RAPGEF5: variants seen among roughly 807,000 people sequenced by gnomAD.
RAPGEF5 encodes the protein Rap guanine nucleotide exchange factor 5.
RAPGEF5 carries 65 observed loss-of-function variants against 125.2 expected under a neutral mutation model. The ratio of observed to expected loss-of-function variants is 0.52; its 90% CI spans 0.43 to 0.64. The LOEUF (loss-of-function observed/expected upper bound fraction) is 0.64, where lower values mean the gene tolerates loss of function less well. Among genes scored for constraint, RAPGEF5 ranks in the 30% least tolerant of loss-of-function variants. The pLI, the probability that RAPGEF5 is intolerant of heterozygous loss-of-function variation, is 0.00. For synonymous variants in RAPGEF5, 391 were observed against 385.9 expected (o/e 1.01, Z -0.16); for missense variants, 958 against 1,048.1 (o/e 0.91, Z 1.19).
intron 5 of RAPGEF5, among the ~76,000 whole-genome samples, chr7:22,306,943 G>A (rs1182954991): frequency 6.6e-6 from 1 of 152,078 alleles, no homozygotes; most frequent in Non-Finnish European, 1.5e-5. Context: ...CATGCTGTTT[G>A]GGTTACTATA....
At chr7:22,134,105 T>C (rs1783005916) in intron 23 of RAPGEF5, among the ~76,000 whole-genome samples, 1 of 152,232 alleles carries the variant, frequency 6.6e-6, no homozygotes, top group South Asian at 2.1e-4. Context: ...AATAGTTCAT[T>C]GAAACTTTAA....
chr7:22,313,278 G>A (rs751698282), intron 3 of RAPGEF5, among the ~76,000 whole-genome samples: 2 of 152,154 alleles, frequency 1.3e-5, no homozygotes, highest in South Asian at 2.1e-4. Flanking sequence ...TTTTAGTGAC[G>A]TATTCATGCA....
intron 7 of RAPGEF5, among the ~76,000 whole-genome samples, chr7:22,239,508 A>G (rs991394953): frequency 1.3e-5 from 2 of 151,964 alleles, no homozygotes. Flanking sequence ...ACACTTGACA[A>G]GGGGCAACTC....
intron 23 of RAPGEF5, among the ~76,000 whole-genome samples, chr7:22,133,132 G>A (rs1252257657): frequency 6.6e-6 from 1 of 152,180 alleles, no homozygotes; most frequent in Non-Finnish European, 1.5e-5. Flanking sequence ...CTCTTCCTAG[G>A]TAGTCCCTCT....
intron 9 of RAPGEF5, among the ~76,000 whole-genome samples, chr7:22,205,559 C>G (rs932699039): frequency 3.3e-5 from 5 of 152,148 alleles, no homozygotes; most frequent in Admixed American, 6.6e-5. Context: ...AAATTCTTCA[C>G]GTGACAGATA....
At chr7:22,287,725 A>G (rs1782830235) in intron 6 of RAPGEF5, among the ~76,000 whole-genome samples, 1 of 152,232 alleles carries the variant, frequency 6.6e-6, no homozygotes, top group African/African-American at 2.4e-5. Flanking sequence ...TATCACCTAG[A>G]TAACAAAGTT....
intron 7 of RAPGEF5, among the ~76,000 whole-genome samples, chr7:22,252,416 A>G (rs892604016): frequency 6.6e-6 from 1 of 152,128 alleles, no homozygotes; most frequent in Non-Finnish European, 1.5e-5. Flanking sequence ...GAAAACCAAG[A>G]CCTCAAAAAC....
chr7:22,319,054 T>C (rs1783661969), intron 1 of RAPGEF5, among the ~76,000 whole-genome samples: 1 of 152,216 alleles, frequency 6.6e-6, no homozygotes, highest in Admixed American at 6.5e-5. Flanking sequence ...ATTTGAATTG[T>C]AGGAGCTAAT....
At chr7:22,331,211 T>C (rs531577200) in intron 1 of RAPGEF5, among the ~76,000 whole-genome samples, 2 of 152,316 alleles carry the variant, frequency 1.3e-5, no homozygotes, top group South Asian at 4.1e-4. Context: ...CACAGATCTT[T>C]CACTGAGGGT....
intron 1 of RAPGEF5, among the ~76,000 whole-genome samples, chr7:22,354,257 T>C (rs750957248): frequency 2.6e-5 from 4 of 152,178 alleles, no homozygotes; most frequent in Non-Finnish European, 1.5e-5. Context: ...ATATAGGAGA[T>C]GAAAACTCAA....
At chr7:22,206,069 G>T (rs1785390117) in intron 9 of RAPGEF5, among the ~76,000 whole-genome samples, 1 of 152,192 alleles carries the variant, frequency 6.6e-6, no homozygotes. Context: ...CCCAGAAAGA[G>T]TTCAACACTC....
rs991177752 is a variant in RAPGEF5 at position 22,194,007 on chromosome 7, C to T, written c.1023G>A (p.Gln341=). 6.2e-7 allele frequency: 1 copy of T among 1,613,886 alleles called. No individual in the cohort carries two copies. The highest frequency in any genetic ancestry group is 2.2e-5 in the East Asian group (1 of 44,872). The change falls in exon 10 of 26, where the codon CAG becomes CAA. Residue 341 remains glutamine, a synonymous_variant. Coordinates refer to ENST00000665637, the MANE Select transcript of RAPGEF5 (RefSeq NM_012294.5). ...GGACGCTCTGGTCTTGCTCTTTAAC[C>T]TGAACAGTCGTCACTTCATCATCTT... ...EHQDDEVTTV[Q]VKEQDQSVLV...
At chr7:22,306,240 TG>T (rs1180336277) in intron 5 of RAPGEF5, among the ~76,000 whole-genome samples, 1 of 152,328 alleles carries the variant, frequency 6.6e-6, no homozygotes, top group East Asian at 1.9e-4. Flanking sequence ...CATAAGCCAT[TG>T]TCTTTTGAAT....
chr7:22,314,044 C>T (rs1327831540), intron 3 of RAPGEF5, among the ~76,000 whole-genome samples: 2 of 152,148 alleles, frequency 1.3e-5, no homozygotes, highest in African/African-American at 4.8e-5. Flanking sequence ...ACAGAATACG[C>T]ATGTCTAGCC....
intron 18 of RAPGEF5, among the ~76,000 whole-genome samples, chr7:22,149,258 A>G (rs1783542223): frequency 1.3e-5 from 2 of 152,240 alleles, no homozygotes; most frequent in African/African-American, 4.8e-5. Flanking sequence ...AACGTTACAT[A>G]AAATGTCTTT....
chr7:22,326,371 T>A (rs1418471189), intron 1 of RAPGEF5, among the ~76,000 whole-genome samples: 1 of 152,160 alleles, frequency 6.6e-6, no homozygotes, highest in African/African-American at 2.4e-5. Flanking sequence ...ATAAATAAAG[T>A]TTTATTGGAA....
At chr7:22,193,866 G>A (rs1424485920) in intron 10 of RAPGEF5, 49 bp downstream of exon 10, 2 of 1,611,768 alleles carry the variant, frequency 1.2e-6, no homozygotes, top group Non-Finnish European at 1.7e-6. Context: ...GGCAGGCAGG[G>A]AAAAGGAAAC....
intron 12 of RAPGEF5, among the ~76,000 whole-genome samples, chr7:22,166,042 A>C (rs1339654266): frequency 1.4e-5 from 2 of 147,380 alleles, no homozygotes; most frequent in Non-Finnish European, 3.0e-5. Flanking sequence ...CCAAATATAT[A>C]TATGTATATT....
intron 22 of RAPGEF5, among the ~76,000 whole-genome samples, chr7:22,136,488 C>T (rs1168802502): frequency 6.6e-6 from 1 of 151,770 alleles, no homozygotes; most frequent in Non-Finnish European, 1.5e-5. Flanking sequence ...AAAAGCTGTC[C>T]TTGTAACGCA....
Sources: allele counts gnomAD v4.1 joint callset (sites outside exome capture counted in the v4.1 genomes callset), GRCh38; gene constraint gnomAD v4.1.1; transcripts MANE v1.5; gene names NCBI Gene and HGNC (gene_info 2026-07-23, HGNC 2026-07-21).